Variants in MLXIPL observed in about 807,000 individuals in gnomAD.
The protein encoded by MLXIPL is carbohydrate-responsive element-binding protein.
MLXIPL carries 49 observed loss-of-function variants against 81.5 expected under a neutral mutation model. That is an observed-to-expected ratio of 0.60 (90% CI 0.48 to 0.76). MLXIPL has a LOEUF of 0.76. MLXIPL is among the 30% of genes least tolerant of loss of function. The pLI is 0.00. For missense variants in MLXIPL, 1,053 were observed against 1,167.0 expected, an observed-to-expected ratio of 0.90 and a Z score of 1.42; for synonymous variants, 466 against 485.5, an observed-to-expected ratio of 0.96 and a Z score of 0.53.
chr7:73,605,714 C>G lies in MLXIPL; in HGVS notation c.875G>C (p.Ser292Thr). The G allele has an allele frequency of 6.2e-7, 1 of 1,613,814 alleles. No homozygotes were observed. The highest frequency in any genetic ancestry group is 8.5e-7 in the Non-Finnish European group (1 of 1,179,910). Residue 292 changes from serine (S) to threonine (T), a missense_variant, in exon 7 of 17, where the codon AGC becomes ACC. Ser to Thr is a moderately conservative substitution (Grantham distance 58). Around this residue, in one of 3 missense-constraint regions of MLXIPL, gnomAD observed 823 missense variants for 933.0 expected, o/e 0.88. Coordinates refer to ENST00000313375, the MANE Select transcript of MLXIPL (RefSeq NM_032951.3). ...TGAGATGTCCATGAAGTCATCCAGG[C>G]TTGGCTGCAGTGGCGTCAGGTCCGG... is the stretch of plus-strand genomic sequence containing the variant. ...IQPDLTPLQP[S>T]LDDFMDISDF...
At chr7:73,628,526 C>T (rs531683638), upstream of MLXIPL, among the ~76,000 whole-genome samples, 18 of 152,336 alleles carry the variant, frequency 1.2e-4, no homozygotes, top group Admixed American at 5.9e-4. Flanking sequence ...GACAGGGTCT[C>T]GCTGTGTCAC....
At chr7:73,630,468 T>C in the MLXIPL span, among the ~76,000 whole-genome samples, 1 of 151,936 alleles carries the variant, frequency 6.6e-6, no homozygotes. Flanking sequence ...AATTTTTGTA[T>C]TTTTTGTAGA....
intron 1 of MLXIPL, among the ~76,000 whole-genome samples, chr7:73,621,656 G>A (rs62466305): frequency 3.5e-4 from 50 of 143,982 alleles, no homozygotes; most frequent in Non-Finnish European, 5.5e-4. Context: ...TCCTGGTACC[G>A]AGCCAACCCT....
chr7:73,606,797 A>AC, intron 5 of MLXIPL, 177 bp downstream of exon 5: 2 of 710,324 alleles, frequency 2.8e-6, no homozygotes. Flanking sequence ...CCTCACCCTC[A>AC]CCCCCCAAGA....
At position 73,605,901 on chromosome 7, in the gene MLXIPL, G is replaced by A. The variant is rs1554597857; in HGVS notation, c.820+9C>T. 6.3e-7 allele frequency: 1 copy of A among 1,577,628 alleles called. No homozygotes were observed. The highest frequency in any genetic ancestry group is 2.3e-5 in the East Asian group (1 of 43,338). On this transcript the variant is annotated intron_variant, in intron 6 of 16. Transcript: ENST00000313375. ...CACCCCTCTCCCCTGCCCTTTCTCA[G>A]ACCCTCACCATCCTCAGGCGGCAGC...
the MLXIPL span, among the ~76,000 whole-genome samples, chr7:73,630,125 G>T: frequency 1.3e-5 from 2 of 151,716 alleles, no homozygotes; most frequent in Non-Finnish European, 2.9e-5. Context: ...AGCCTCCCAA[G>T]TAGCTGGGAC....
In MLXIPL at chr7:73,597,236, G is replaced by T. The variant is rs1554594517; in HGVS notation, c.1549C>A (p.Pro517Thr). Residue 517 changes from proline to threonine, a missense_variant, in exon 9 of 17, where the codon CCC becomes ACC. Around this residue, in one of 3 missense-constraint regions of MLXIPL, gnomAD observed 823 missense variants for 933.0 expected, o/e 0.88. Coordinates refer to ENST00000313375, the MANE Select transcript of MLXIPL (RefSeq NM_032951.3). ...PPTLAPATAS[P>T]PTTAGSNNPC... Reference sequence around the variant, plus strand: ...TTGTTGCTCCCCGCAGTGGTGGGGGGACTGGCAGTGGCAGGGGCTAAGGTA... The same window carrying T: ...TTGTTGCTCCCCGCAGTGGTGGGGGTACTGGCAGTGGCAGGGGCTAAGGTA... 1 of 1,603,662 alleles carries T rather than the reference G, an allele frequency of 6.2e-7. No homozygotes were observed. Among genetic ancestry groups the T allele is most frequent in the Non-Finnish European group, 8.5e-7 (1 of 1,177,398 alleles).
intron 7 of MLXIPL, 42 bp downstream of exon 7, chr7:73,605,646 G>T: frequency 6.2e-7 from 1 of 1,601,658 alleles, no homozygotes; most frequent in South Asian, 1.1e-5. Context: ...TCCTCACACA[G>T]ACCCTGCCCG....
upstream of MLXIPL, among the ~76,000 whole-genome samples, chr7:73,626,458 A>G (rs1382250019): frequency 6.8e-6 from 1 of 147,052 alleles, no homozygotes; most frequent in Non-Finnish European, 1.5e-5. Context: ...TCATGCCACC[A>G]AACCTGGCTA....
rs1328994939 is a variant in MLXIPL, at chr7:73,623,131, AGCTGGGCGGCTGC to A, written c.293+1056_293+1068del. Among the ~76,000 whole-genome samples the A allele has an allele frequency of 6.6e-6, 1 of 152,184 alleles. No individual in the cohort carries two copies. Among genetic ancestry groups the A allele is most frequent in the Admixed American group, 6.5e-5 (1 of 15,272 alleles). ...CTCCGCCTCCAGCCAATGGGGTCGC[AGCTGGGCGGCTGC>A]GGTTGGGGGCAGGCAACACTCCCCT... On this transcript the variant is annotated intron_variant, in intron 1 of 16. Transcript: ENST00000313375. The surrounding 1 kb of genome is among the most constrained non-coding windows in gnomAD (Gnocchi z 5.7).
the MLXIPL span, among the ~76,000 whole-genome samples, chr7:73,631,647 T>A: frequency 7.2e-6 from 1 of 139,282 alleles, no homozygotes; most frequent in African/African-American, 2.7e-5. Flanking sequence ...CCTCAAGTGA[T>A]CCTCCCACCT....
At chr7:73,640,409 AAAAAAAG>A in the MLXIPL span, among the ~76,000 whole-genome samples, 1 of 150,424 alleles carries the variant, frequency 6.6e-6, no homozygotes, top group Non-Finnish European at 1.5e-5. Flanking sequence ...CTCCAAAAAA[AAAAAAAG>A]AAAAAGAAAA....
At chr7:73,606,744 A>T (rs1795310995) in intron 5 of MLXIPL, 1 of 552,822 alleles carries the variant, frequency 1.8e-6, no homozygotes, top group African/African-American at 1.9e-5. Context: ...CTGTTCTCCC[A>T]TGCCTCCCAC....
Position 73,624,449 on chromosome 7 carries a change from G to T in MLXIPL, c.44C>A (p.Pro15Gln). 6.4e-7 allele frequency: 1 copy of T among 1,553,386 alleles called. No homozygotes were observed. Among genetic ancestry groups the T allele is most frequent in the East Asian group, 2.4e-5 (1 of 41,524 alleles). The change falls in exon 1 of 17, where the codon CCG (proline) becomes CAG (glutamine). Residue 15 changes from proline to glutamine, a missense_variant. Physicochemically the swap from Pro to Gln is moderately conservative, Grantham distance 76. Around this residue, in one of 3 missense-constraint regions of MLXIPL, gnomAD observed 226 missense variants for 216.2 expected, o/e 1.05. Transcript: ENST00000313375. ...LAGLAAGLQV[P>Q]RVAPSPDSDS... The stretch of plus-strand genomic sequence containing the variant: ...CGAGTCTGGGCTGGGCGCGACCCGC[G>T]GGACCTGCAAGCCCGCGGCCAGACC...
the MLXIPL span, among the ~76,000 whole-genome samples, chr7:73,631,304 C>T: frequency 4.6e-5 from 7 of 151,916 alleles, no homozygotes; most frequent in African/African-American, 1.7e-4. Flanking sequence ...TGTGAGCCAC[C>T]GCACCCGGCC....
chr7:73,604,389 C>G (rs1795122975), intron 7 of MLXIPL, among the ~76,000 whole-genome samples: 1 of 150,856 alleles, frequency 6.6e-6, no homozygotes, highest in Admixed American at 6.6e-5. Flanking sequence ...CTGGGCAATA[C>G]AGGGAGGCCC....
chr7:73,616,755 G>A (rs1796027746), intron 1 of MLXIPL, among the ~76,000 whole-genome samples: 1 of 151,438 alleles, frequency 6.6e-6, no homozygotes, highest in Admixed American at 6.6e-5. Flanking sequence ...GGCTGAAGCA[G>A]GAGAATTGCT....
the MLXIPL span, among the ~76,000 whole-genome samples, chr7:73,631,817 CTT>C: frequency 1.4e-5 from 2 of 146,380 alleles, no homozygotes; most frequent in African/African-American, 2.5e-5. Context: ...CTTCTCCTCT[CTT>C]CTCTCCAGTC....
the MLXIPL span, among the ~76,000 whole-genome samples, chr7:73,630,099 G>A: frequency 6.6e-6 from 1 of 151,536 alleles, no homozygotes; most frequent in African/African-American, 2.4e-5. Context: ...TTGGGTTCAC[G>A]CCATTCTCCT....
Sources: allele counts gnomAD v4.1 joint callset (sites outside exome capture counted in the v4.1 genomes callset), GRCh38; gene constraint gnomAD v4.1.1; regional missense constraint gnomAD v4.1.1; non-coding constraint Gnocchi (gnomAD v3.1); transcripts MANE v1.5; gene names NCBI Gene and HGNC (gene_info 2026-07-23, HGNC 2026-07-21).